The following SH3RF2 variants were observed in gnomAD, a reference collection of about 807,000 sequenced individuals.
The protein encoded by SH3RF2 is SH3 domain containing ring finger 2.
A neutral mutation model predicts 59.0 loss-of-function variants in SH3RF2; 43 were observed. That is an observed-to-expected ratio of 0.73 (90% CI 0.57 to 0.94). The LOEUF is 0.94. SH3RF2 is among the 40% of genes least tolerant of loss of function. The probability of loss-of-function intolerance (pLI) is 0.00; values close to 1 mark genes in which losing one functional copy is unlikely to be tolerated. For synonymous variants in SH3RF2, 391 were observed against 391.5 expected, an observed-to-expected ratio of 1.00 and a Z score of 0.01; for missense variants, 930 against 940.1, an observed-to-expected ratio of 0.99 and a Z score of 0.14.
intron 2 of SH3RF2, among the ~76,000 whole-genome samples, chr5:145,975,575 G>T (rs903557112): frequency 6.6e-6 from 1 of 152,294 alleles, no homozygotes; most frequent in African/African-American, 2.4e-5. Flanking sequence ...AACAGCCCCA[G>T]CTGGTTCCCT....
rs760372628 is a variant in SH3RF2 at position 146,063,072 on chromosome 5, G to A, written c.*371G>A. ...GGGGCTGCAGCAGGGGTGTGACAAC[G>A]GTGGGATTGTTGGCGTTGCTTCTTT... On this transcript the variant is annotated 3_prime_UTR_variant, in exon 10 of 10. Transcript: ENST00000359120. 7 of 222,584 alleles carry A rather than the reference G, an allele frequency of 3.1e-5. No individual in the cohort carries two copies. The highest frequency in any genetic ancestry group is 6.9e-5 in the African/African-American group (3 of 43,534). 13.8% of individuals were successfully genotyped at this position (222,584 alleles called of 1,614,324 possible).
chr5:146,063,458 G>A (rs1296362597), downstream of SH3RF2: 1 of 152,206 alleles, frequency 6.6e-6, no homozygotes, highest in East Asian at 1.9e-4. Flanking sequence ...ATGGCATTAT[G>A]GACAATTAAT....
chr5:146,003,042 T>C (rs572669548), intron 3 of SH3RF2, among the ~76,000 whole-genome samples: 12 of 152,282 alleles, frequency 7.9e-5, no homozygotes, highest in African/African-American at 2.6e-4. Flanking sequence ...TCAATCCTAA[T>C]TCCTGAGGAG....
At chr5:146,000,550 CGTGAAATCTCTA>C (rs1351769122) in intron 3 of SH3RF2, among the ~76,000 whole-genome samples, 20 of 152,228 alleles carry the variant, frequency 1.3e-4, no homozygotes, top group Admixed American at 6.5e-4. Flanking sequence ...ACTACATGCA[CGTGAAATCTCTA>C]GAGAAATCTA....
intron 7 of SH3RF2, among the ~76,000 whole-genome samples, chr5:146,049,743 C>T (rs1762427317): frequency 6.6e-6 from 1 of 152,140 alleles, no homozygotes; most frequent in Non-Finnish European, 1.5e-5. Flanking sequence ...ACCTCTTCCT[C>T]CACACCCAAG....
chr5:146,056,219 T>A lies in SH3RF2; in HGVS notation c.1555+6T>A, dbSNP rs1362773611. 5 of 1,614,082 alleles carry A rather than the reference T, an allele frequency of 3.1e-6. No homozygotes were observed. Among genetic ancestry groups the A allele is most frequent in the Non-Finnish European group, 4.2e-6 (5 of 1,180,024 alleles). On this transcript the variant is annotated splice_donor_region_variant and intron_variant, in intron 8 of 9. Coordinates refer to ENST00000359120, the MANE Select transcript of SH3RF2 (RefSeq NM_152550.4). The stretch of plus-strand genomic sequence containing the variant: ...GCGGAGCAGCATGAGAAAGAGTAAG[T>A]GGTGGCAGAGAGGTACGTGCCTAGA...
chr5:145,974,141 TG>T (rs1171674369), intron 2 of SH3RF2, among the ~76,000 whole-genome samples: 12 of 152,210 alleles, frequency 7.9e-5, no homozygotes, highest in Non-Finnish European at 1.5e-4. Context: ...CCAGGCTTCT[TG>T]CCTGCTGTTG....
chr5:145,976,993 G>T (rs1759320135), intron 2 of SH3RF2, among the ~76,000 whole-genome samples: 1 of 152,250 alleles, frequency 6.6e-6, no homozygotes, highest in Non-Finnish European at 1.5e-5. Flanking sequence ...TCTAGGCAAA[G>T]TAAGAAATTG....
chr5:146,060,059 G>C lies in SH3RF2; in HGVS notation c.1749G>C (p.Thr583=). Residue 583 remains threonine (T), a synonymous_variant, in exon 9 of 10, where the codon ACG becomes ACC. Coordinates refer to ENST00000359120, the MANE Select transcript of SH3RF2 (RefSeq NM_152550.4). ...CCCTCACGGGGGAGCCCGCCCTCAC[G>C]TGCATCAGCAGGGGCAGTGAGGCCT... The part of the protein sequence containing the change: ...KPALTGEPAL[T]CISRGSEAWI... 6.2e-7 allele frequency: 1 copy of C among 1,613,700 alleles called. No individual in the cohort carries two copies. The highest frequency in any genetic ancestry group is 8.5e-7 in the Non-Finnish European group (1 of 1,179,818).
intron 2 of SH3RF2, among the ~76,000 whole-genome samples, chr5:145,984,167 G>A (rs982945611): frequency 2.0e-5 from 3 of 151,940 alleles, no homozygotes; most frequent in African/African-American, 7.3e-5. Context: ...TTTATTGTAG[G>A]CACTCAGTAC....
intron 2 of SH3RF2, among the ~76,000 whole-genome samples, chr5:145,957,364 G>T (rs1758456607): frequency 6.6e-6 from 1 of 152,118 alleles, no homozygotes; most frequent in African/African-American, 2.4e-5. Flanking sequence ...GGGTGGCCTG[G>T]ACTAAAATAG....
intron 4 of SH3RF2, among the ~76,000 whole-genome samples, chr5:146,008,996 G>A (rs894152080): frequency 6.6e-6 from 1 of 152,210 alleles, no homozygotes; most frequent in African/African-American, 2.4e-5. Context: ...GTATTCCATT[G>A]TATAGATGTG....
intron 5 of SH3RF2, among the ~76,000 whole-genome samples, chr5:146,023,774 CA>C (rs1761422355): frequency 1.3e-5 from 2 of 152,202 alleles, no homozygotes; most frequent in African/African-American, 4.8e-5. Flanking sequence ...CCTTTAACCC[CA>C]GCCCTAGGAA....
At chr5:145,957,064 T>C (rs1313825061) in intron 2 of SH3RF2, among the ~76,000 whole-genome samples, 2 of 152,246 alleles carry the variant, frequency 1.3e-5, no homozygotes, top group Non-Finnish European at 2.9e-5. Context: ...TGTCTTTTTC[T>C]TTTGAGACAG....
At chr5:146,000,521 A>G (rs1275497086) in intron 3 of SH3RF2, among the ~76,000 whole-genome samples, 194 bp downstream of exon 3, 2 of 152,170 alleles carry the variant, frequency 1.3e-5, no homozygotes, top group African/African-American at 4.8e-5. Context: ...TATATATGTA[A>G]TATGTGTGTA....
chr5:146,066,400 T>A (rs1228698529), downstream of SH3RF2, among the ~76,000 whole-genome samples: 1 of 152,200 alleles, frequency 6.6e-6, no homozygotes, highest in East Asian at 1.9e-4. Context: ...AGTGCCAACC[T>A]CAATGGGCTA....
At chr5:145,943,051 G>C (rs565648891) in intron 2 of SH3RF2, among the ~76,000 whole-genome samples, 9 of 151,724 alleles carry the variant, frequency 5.9e-5, no homozygotes, top group Non-Finnish European at 1.3e-4. Flanking sequence ...TGATTAAAAT[G>C]AGATTAAAAT....
At chr5:145,998,564 A>G (rs1343939450) in intron 2 of SH3RF2, among the ~76,000 whole-genome samples, 1 of 152,194 alleles carries the variant, frequency 6.6e-6, no homozygotes, top group East Asian at 1.9e-4. Context: ...CCACCACAAT[A>G]AAGCTAATAC....
chr5:145,996,122 A>G (rs1044491361), intron 2 of SH3RF2, among the ~76,000 whole-genome samples: 1 of 152,162 alleles, frequency 6.6e-6, no homozygotes, highest in Admixed American at 6.5e-5. Context: ...CCACCATTCC[A>G]TCAGCAAAGT....
Sources: gnomAD v4.1 joint callset for allele counts (sites outside exome capture counted in the v4.1 genomes callset) on GRCh38, gnomAD v4.1.1 for gene constraint, MANE v1.5 for transcripts, NCBI Gene and HGNC (gene_info 2026-07-23, HGNC 2026-07-21) for gene names.